RC3H2: variants seen among roughly 807,000 people sequenced by gnomAD.
The protein encoded by RC3H2 is roquin-2.
In RC3H2, 31 loss-of-function variants were observed where a neutral mutation model predicts 133.3. The observed-to-expected ratio is 0.23, with a 90% CI of 0.17 to 0.31. The LOEUF (loss-of-function observed/expected upper bound fraction) is 0.31. Among genes scored for constraint, RC3H2 ranks in the 10% least tolerant of loss-of-function variants. The pLI is 1.00. For synonymous variants in RC3H2, 517 were observed against 502.2 expected (o/e 1.03, Z -0.40); for missense variants, 1,175 against 1,437.2 (o/e 0.82, Z 2.95).
At chr9:122,888,867 C>G (rs1832043591) in intron 4 of RC3H2, among the ~76,000 whole-genome samples, 1 of 152,162 alleles carries the variant, frequency 6.6e-6, no homozygotes, top group African/African-American at 2.4e-5. Context: ...AAAGGGTAAA[C>G]ACAGAGGTAA....
In RC3H2 at chr9:122,845,501, T is replaced by C. The variant is rs889943012; in HGVS notation, c.*4126A>G. On this transcript the variant is annotated 3_prime_UTR_variant, in exon 21 of 21. Transcript: ENST00000357244. ...TTGGCAGTACTAAGTGCAGCCAGTG[T>C]CTGTGTTCCACTGGTTTGGGAATAT... is the stretch of plus-strand genomic sequence containing the variant. 1 of 152,164 alleles carries C rather than the reference T, an allele frequency of 6.6e-6. No individual in the cohort carries two copies. The highest frequency in any genetic ancestry group is 1.5e-5 in the Non-Finnish European group (1 of 68,030). The allele number at this position is 152,164 out of a possible 1,614,324, so 9.4% of individuals were successfully genotyped here. A position where few individuals can be genotyped will look rare whatever the true frequency, so the allele number is the denominator to read the frequency against.
chr9:122,864,164 A>G (rs1830555025), intron 10 of RC3H2, among the ~76,000 whole-genome samples: 2 of 152,246 alleles, frequency 1.3e-5, no homozygotes, highest in African/African-American at 2.4e-5. Flanking sequence ...TAGCAGGCAT[A>G]TAACAGATAC....
At chr9:122,862,065 T>C (rs939632606) in intron 10 of RC3H2, among the ~76,000 whole-genome samples, 6 of 152,252 alleles carry the variant, frequency 3.9e-5, no homozygotes, top group Non-Finnish European at 7.3e-5. Context: ...CAAAATGTTA[T>C]ATACCTAAAA....
intron 9 of RC3H2, chr9:122,873,986 T>A (rs1014936037): frequency 6.6e-6 from 1 of 152,048 alleles, no homozygotes; most frequent in African/African-American, 2.4e-5. Flanking sequence ...CCCAGCTAAC[T>A]ATACCATAAT....
intron 2 of RC3H2, among the ~76,000 whole-genome samples, chr9:122,893,489 A>G (rs1479616182): frequency 6.6e-6 from 1 of 152,116 alleles, no homozygotes; most frequent in Non-Finnish European, 1.5e-5. Context: ...GTGAGACTCC[A>G]TCTCAAAATA....
At chr9:122,860,461 G>A (rs1261678612) in intron 10 of RC3H2, among the ~76,000 whole-genome samples, 1 of 142,768 alleles carries the variant, frequency 7.0e-6, no homozygotes, top group Non-Finnish European at 1.5e-5. Flanking sequence ...GGGCTGGAGT[G>A]CACTGACATA....
intron 8 of RC3H2, among the ~76,000 whole-genome samples, chr9:122,879,553 A>G (rs1564305249): frequency 2.6e-5 from 4 of 152,194 alleles, no homozygotes; most frequent in Admixed American, 2.0e-4. Context: ...GTATACTCAC[A>G]CCCAAGATAC....
chr9:122,852,405 TG>T (rs1404726549), intron 18 of RC3H2, among the ~76,000 whole-genome samples: 11 of 131,984 alleles, frequency 8.3e-5, no homozygotes, highest in South Asian at 7.3e-4. Context: ...GGGAGGGAGG[TG>T]GGGGGGTCAG....
chr9:122,864,827 T>G (rs1214671131), intron 10 of RC3H2, among the ~76,000 whole-genome samples: 1 of 152,066 alleles, frequency 6.6e-6, no homozygotes, highest in Non-Finnish European at 1.5e-5. Flanking sequence ...GGTTTCACCA[T>G]GTCAGCCAGG....
intron 9 of RC3H2, chr9:122,875,290 G>C: frequency 6.4e-7 from 1 of 1,550,628 alleles, no homozygotes; most frequent in Non-Finnish European, 8.7e-7. Context: ...GCTGCTTGTA[G>C]AGCTCATTAT....
chr9:122,880,819 C>T (rs371827475), intron 5 of RC3H2, 25 bp from the exon 6 acceptor site: 2 of 1,554,628 alleles, frequency 1.3e-6, no homozygotes, highest in Non-Finnish European at 1.8e-6. Context: ...AGAGAAAAAT[C>T]AGAATTGGTC....
chr9:122,861,291 G>A (rs921305023), intron 10 of RC3H2, among the ~76,000 whole-genome samples: 7 of 152,004 alleles, frequency 4.6e-5, no homozygotes, highest in African/African-American at 7.2e-5. Context: ...GGGAGTTCGC[G>A]ACCAGCCTGA....
At chr9:122,896,060 C>G (rs1217265007) in intron 2 of RC3H2, among the ~76,000 whole-genome samples, 1 of 148,776 alleles carries the variant, frequency 6.7e-6, no homozygotes, top group Admixed American at 6.7e-5. Context: ...GTGGGCCATA[C>G]TGGAAGAATT....
At chr9:122,875,560 CTTCA>C (rs1198828331) in intron 9 of RC3H2, among the ~76,000 whole-genome samples, 10 of 152,162 alleles carry the variant, frequency 6.6e-5, no homozygotes, top group Admixed American at 2.6e-4. Flanking sequence ...GCTAGCTGGA[CTTCA>C]TAAAGAAGTT....
chr9:122,874,919 G>A (rs948422238), intron 9 of RC3H2: 1 of 389,996 alleles, frequency 2.6e-6, no homozygotes, highest in Non-Finnish European at 4.6e-6. Flanking sequence ...TCTGTTTGAA[G>A]GTATGAGAAA....
chr9:122,846,497 T>C lies in RC3H2; in HGVS notation c.*3130A>G, dbSNP rs750240986. The C allele has an allele frequency of 6.6e-6, 1 of 152,088 alleles. No homozygotes were observed. Among genetic ancestry groups the C allele is most frequent in the African/African-American group, 2.4e-5 (1 of 41,424 alleles). 9.4% of individuals were successfully genotyped at this position (152,088 alleles called of 1,614,324 possible). ...TGTAACTTCCTCTGAATTCATAAAATGAAATGAAACCACAAAAAAACTGAT... is the reference window on the plus strand; with the variant it reads ...TGTAACTTCCTCTGAATTCATAAAACGAAATGAAACCACAAAAAAACTGAT... On this transcript the variant is annotated 3_prime_UTR_variant, in exon 21 of 21. Coordinates refer to ENST00000357244, the MANE Select transcript of RC3H2 (RefSeq NM_001100588.3).
At chr9:122,889,056 T>G (rs1052994266) in intron 4 of RC3H2, among the ~76,000 whole-genome samples, 3 of 152,170 alleles carry the variant, frequency 2.0e-5, no homozygotes, top group African/African-American at 7.2e-5. Context: ...ATTTTTCAGT[T>G]GGTTGTTGGT....
chr9:122,864,468 C>T (rs532642479), intron 10 of RC3H2, among the ~76,000 whole-genome samples: 2 of 152,154 alleles, frequency 1.3e-5, no homozygotes, highest in Non-Finnish European at 1.5e-5. Context: ...ACTTAATCCT[C>T]GCAACCAACA....
intron 13 of RC3H2, 62 bp downstream of exon 13, chr9:122,857,861 G>C: frequency 7.0e-7 from 1 of 1,428,304 alleles, no homozygotes; most frequent in Middle Eastern, 1.8e-4. Context: ...GTTTGAATGA[G>C]TAATTTGAAG....
Sources: allele counts gnomAD v4.1 joint callset (sites outside exome capture counted in the v4.1 genomes callset), GRCh38; gene constraint gnomAD v4.1.1; transcripts MANE v1.5; gene names NCBI Gene and HGNC (gene_info 2026-07-23, HGNC 2026-07-21).